WDPCP: variants seen among roughly 807,000 people sequenced by gnomAD.
The protein encoded by WDPCP is WD repeat-containing and planar cell polarity effector protein fritz homolog.
In WDPCP, 71 loss-of-function variants were observed where a neutral mutation model predicts 93.1. The observed-to-expected ratio is 0.76, with a 90% CI of 0.63 to 0.93. WDPCP has a LOEUF of 0.93. Among genes scored for constraint, WDPCP ranks in the 40% least tolerant of loss-of-function variants. WDPCP has a pLI of 0.00. For missense variants in WDPCP, 844 were observed against 887.4 expected (o/e 0.95, Z 0.62); for synonymous variants, 315 against 315.0 (o/e 1.00, Z 0.00).
At chr2:63,695,850 A>G (rs1383361048) in intron 2 of WDPCP, among the ~76,000 whole-genome samples, 1 of 152,116 alleles carries the variant, frequency 6.6e-6, no homozygotes. Flanking sequence ...GACTTCTAAA[A>G]GTATAAACTA....
At chr2:63,767,808 T>C (rs1171493203) in intron 2 of WDPCP, among the ~76,000 whole-genome samples, 1 of 152,082 alleles carries the variant, frequency 6.6e-6, no homozygotes, top group Non-Finnish European at 1.5e-5. Context: ...CTCTTTGGTG[T>C]CTTTCTATCA....
At chr2:63,760,608 C>G (rs772332561) in intron 2 of WDPCP, among the ~76,000 whole-genome samples, 2 of 152,086 alleles carry the variant, frequency 1.3e-5, no homozygotes, top group African/African-American at 2.4e-5. Context: ...GTAGAACTGA[C>G]CTGGGACCCT....
chr2:63,778,802 C>T (rs997887579), intron 2 of WDPCP, among the ~76,000 whole-genome samples: 2 of 152,086 alleles, frequency 1.3e-5, no homozygotes, highest in Non-Finnish European at 1.5e-5. Flanking sequence ...TGAGAATCTC[C>T]GCATCCTCTA....
chr2:63,183,525 T>C (rs1281200609), intron 14 of WDPCP, among the ~76,000 whole-genome samples: 1 of 152,112 alleles, frequency 6.6e-6, no homozygotes, highest in Non-Finnish European at 1.5e-5. Context: ...AAAAATTTAT[T>C]GAGATTTGTT....
chr2:63,428,043 G>C (rs1696450611), intron 9 of WDPCP, among the ~76,000 whole-genome samples: 1 of 151,974 alleles, frequency 6.6e-6, no homozygotes, highest in Non-Finnish European at 1.5e-5. Flanking sequence ...GTGAAAACCT[G>C]AACAGACCAA....
At chr2:63,185,470 C>T (rs4671463) in intron 14 of WDPCP, among the ~76,000 whole-genome samples, 99,284 of 151,514 alleles carry the variant, frequency 0.66, 33,401 homozygotes, top group Middle Eastern at 0.77. Context: ...GCTTTGCTTC[C>T]GGGTGCATTC....
chr2:63,587,069 T>C (rs1708894084), intron 1 of WDPCP, among the ~76,000 whole-genome samples: 1 of 152,200 alleles, frequency 6.6e-6, no homozygotes, highest in Admixed American at 6.5e-5. Flanking sequence ...GAAGAATTCA[T>C]TTAGGAGGAT....
intron 12 of WDPCP, among the ~76,000 whole-genome samples, chr2:63,346,420 G>C (rs1187276043): frequency 6.6e-6 from 1 of 152,140 alleles, no homozygotes; most frequent in African/African-American, 2.4e-5. Flanking sequence ...TGGAGATCTT[G>C]AGAATGCACC....
intron 2 of WDPCP, among the ~76,000 whole-genome samples, chr2:63,744,554 A>G (rs1023115433): frequency 6.6e-6 from 1 of 152,204 alleles, no homozygotes; most frequent in African/African-American, 2.4e-5. Context: ...AACGTCTCTC[A>G]TATACTGTAG....
chr2:63,291,333 T>C (rs759955352), intron 13 of WDPCP, among the ~76,000 whole-genome samples: 5 of 152,210 alleles, frequency 3.3e-5, no homozygotes, highest in Admixed American at 6.5e-5. Flanking sequence ...GGAAGGCTAA[T>C]ACAGTTTCTT....
intron 2 of WDPCP, among the ~76,000 whole-genome samples, chr2:63,719,414 C>T (rs1164965401): frequency 6.6e-6 from 1 of 152,146 alleles, no homozygotes; most frequent in Non-Finnish European, 1.5e-5. Context: ...AGCCCACCAA[C>T]AAAACCTAGC....
chr2:63,180,541 T>G (rs1281887890), intron 14 of WDPCP, among the ~76,000 whole-genome samples: 1 of 152,188 alleles, frequency 6.6e-6, no homozygotes, highest in Admixed American at 6.5e-5. Flanking sequence ...CTGAGTAGTA[T>G]TCCATTGCAC....
intron 12 of WDPCP, among the ~76,000 whole-genome samples, chr2:63,349,229 C>A (rs1398015143): frequency 6.6e-6 from 1 of 151,394 alleles, no homozygotes; most frequent in South Asian, 2.1e-4. Flanking sequence ...GTTGGAAGTA[C>A]CTGTTTCTTT....
chr2:63,513,959 G>A (rs539506893), intron 1 of WDPCP, among the ~76,000 whole-genome samples: 1 of 151,694 alleles, frequency 6.6e-6, no homozygotes, highest in Non-Finnish European at 1.5e-5. Context: ...TGTTAAAGGA[G>A]TGTTGGCTAT....
In WDPCP at chr2:63,748,822, T is replaced by TA. The variant is rs1207817674; in HGVS notation, n.308+64799dup. ...TTTGTTGTGAGTTGTTCATTTTACT[T>TA]AGAGTTTCATTTCTTTGAAGTCTTT... On this transcript the variant is annotated intron_variant and non_coding_transcript_variant, in intron 2 of 4. Transcript: ENST00000467687. Among the ~76,000 whole-genome samples the TA allele has an allele frequency of 2.0e-5, 3 of 152,062 alleles. No individual in the cohort carries two copies. The East Asian group carries it at 5.8e-4, about 29-fold the overall frequency.
intron 2 of WDPCP, among the ~76,000 whole-genome samples, chr2:63,781,229 G>C (rs1670386904): frequency 6.6e-6 from 1 of 152,168 alleles, no homozygotes; most frequent in Non-Finnish European, 1.5e-5. Context: ...GCCAGGACTT[G>C]GGTTGGCTCT....
rs938186788 is a variant in WDPCP, at chr2:63,688,957, C to T, written n.309-38119G>A. The stretch of plus-strand genomic sequence containing the variant: ...GGCCCTCCTTTTTCTGTCTCATGAG[C>T]TCTTGCCCTCTCTCTCTTGCCCTCT... On this transcript the variant is annotated intron_variant and non_coding_transcript_variant, in intron 2 of 4. Transcript: ENST00000467687. 2.0e-5 allele frequency among the ~76,000 whole-genome samples: 3 copies of T among 152,162 alleles called. No homozygotes were observed. In the South Asian group the frequency reaches 6.2e-4, roughly 32 times the overall value.
At chr2:63,522,451 G>GAC (rs1342647114) in intron 1 of WDPCP, among the ~76,000 whole-genome samples, 2,880 of 91,756 alleles carry the variant, frequency 0.031, 33 homozygotes, top group Admixed American at 0.039. Context: ...CAGACAGACA[G>GAC]ACAGACACAC....
intron 14 of WDPCP, among the ~76,000 whole-genome samples, chr2:63,231,812 C>T (rs564015841): frequency 6.6e-6 from 1 of 152,070 alleles, no homozygotes; most frequent in African/African-American, 2.4e-5. Flanking sequence ...ACTTTCTTCA[C>T]AGAATTGGAA....
Sources: gnomAD v4.1 joint callset for allele counts (sites outside exome capture counted in the v4.1 genomes callset) on GRCh38, gnomAD v4.1.1 for gene constraint, MANE v1.5 for transcripts, NCBI Gene and HGNC (gene_info 2026-07-23, HGNC 2026-07-21) for gene names.